Variants in USP4 observed in about 807,000 individuals in gnomAD.
USP4 encodes ubiquitin specific peptidase 4.
A neutral mutation model predicts 118.2 loss-of-function variants in USP4; 72 were observed. That is an observed-to-expected ratio of 0.61 (90% CI 0.50 to 0.74). The LOEUF (loss-of-function observed/expected upper bound fraction) is 0.74, where lower values mean the gene tolerates loss of function less well. Among genes scored for constraint, USP4 ranks in the 30% least tolerant of loss-of-function variants. The pLI is 0.00. For missense variants in USP4, 1,037 were observed against 1,185.7 expected, an observed-to-expected ratio of 0.87 and a Z score of 1.84; for synonymous variants, 415 against 440.4, an observed-to-expected ratio of 0.94 and a Z score of 0.72.
intron 8 of USP4, among the ~76,000 whole-genome samples, chr3:49,306,209 TG>T (rs1277921167): frequency 5.0e-4 from 74 of 149,194 alleles, no homozygotes; most frequent in African/African-American, 1.6e-3. Context: ...TGTTTTTTTT[TG>T]TTTTTTTTTT....
At chr3:49,327,515 G>A (rs745426261) in intron 3 of USP4, among the ~76,000 whole-genome samples, 171 bp downstream of exon 3, 13 of 151,908 alleles carry the variant, frequency 8.6e-5, no homozygotes, top group Non-Finnish European at 1.6e-4. Flanking sequence ...CAGCCTGGGC[G>A]ACAAGTGCAC....
At position 49,294,483 on chromosome 3, in the gene USP4, G is replaced by C; in HGVS notation, c.1807C>G (p.Gln603Glu). ...STSSASALYG[Q>E]PLLLSVPKHK... ...TTGGGGACAGAAAGCAATAGTGGCT[G>C]CCCATATAGCGCTGATGCGGAGGAA... Residue 603 changes from glutamine (Q) to glutamate (E), a missense_variant, in exon 14 of 22, where the codon CAG (glutamine) becomes GAG (glutamate). Physicochemically the swap from Gln to Glu is conservative, Grantham distance 29. Transcript: ENST00000265560. 1 of 1,614,210 alleles carries C rather than the reference G, an allele frequency of 6.2e-7. No homozygotes were observed. Among genetic ancestry groups the C allele is most frequent in the South Asian group, 1.1e-5 (1 of 91,076 alleles).
chr3:49,331,012 C>T (rs558081382), intron 2 of USP4, among the ~76,000 whole-genome samples: 8 of 136,904 alleles, frequency 5.8e-5, no homozygotes, highest in African/African-American at 1.4e-4. Flanking sequence ...AGCAAGACTC[C>T]GTCTCAAAAA....
intron 1 of USP4, among the ~76,000 whole-genome samples, chr3:49,338,804 C>A (rs1306240962): frequency 6.6e-6 from 1 of 152,078 alleles, no homozygotes; most frequent in Non-Finnish European, 1.5e-5. Context: ...TTTTTCTATT[C>A]TCCTGCTCAA....
intron 15 of USP4, among the ~76,000 whole-genome samples, chr3:49,286,774 CATCCATCCATCT>C (rs1471104333): frequency 6.6e-6 from 1 of 152,082 alleles, no homozygotes; most frequent in Non-Finnish European, 1.5e-5. Context: ...ATCCATCCAT[CATCCATCCATCT>C]ATCCATCCGA....
chr3:49,279,528 T>C (rs935595337), intron 20 of USP4, among the ~76,000 whole-genome samples: 3 of 152,172 alleles, frequency 2.0e-5, no homozygotes, highest in African/African-American at 7.2e-5. Flanking sequence ...GATTCAAGCA[T>C]TTCCCAGAGG....
chr3:49,327,624 A>T, intron 3 of USP4, 62 bp downstream of exon 3: 1 of 1,585,992 alleles, frequency 6.3e-7, no homozygotes, highest in Non-Finnish European at 8.6e-7. Context: ...AACACTAGTC[A>T]GTGTCCAACA....
chr3:49,308,203 T>C (rs768137709), intron 8 of USP4, among the ~76,000 whole-genome samples: 20 of 152,064 alleles, frequency 1.3e-4, no homozygotes, highest in Non-Finnish European at 2.8e-4. Flanking sequence ...CTGTACAGTC[T>C]AGTCCTAGGG....
At chr3:49,338,074 GTATCTC>G (rs1352227706) in intron 1 of USP4, among the ~76,000 whole-genome samples, 1 of 88,836 alleles carries the variant, frequency 1.1e-5, no homozygotes, top group Non-Finnish European at 2.2e-5. Flanking sequence ...AAAAAAAAAA[GTATCTC>G]TATGCTGTTT....
chr3:49,306,658 C>T (rs181584078), intron 8 of USP4, among the ~76,000 whole-genome samples: 58 of 152,132 alleles, frequency 3.8e-4, no homozygotes, highest in Non-Finnish European at 7.5e-4. Flanking sequence ...TCATTATCCT[C>T]GCTCAATAAT....
intron 8 of USP4, among the ~76,000 whole-genome samples, chr3:49,309,941 A>ATTTTTTTTT (rs2047365541): frequency 8.4e-4 from 13 of 15,386 alleles, no homozygotes; most frequent in South Asian, 2.6e-3. Context: ...CTTTTTTTTA[A>ATTTTTTTTT]TCTTTTTTTT....
At chr3:49,330,199 C>CAAAA (rs772896258) in intron 2 of USP4, among the ~76,000 whole-genome samples, 22 of 150,312 alleles carry the variant, frequency 1.5e-4, no homozygotes, top group South Asian at 2.1e-4. Flanking sequence ...AACAAACAAA[C>CAAAA]AAAAAAAGTT....
In USP4 at chr3:49,286,280, T is replaced by C; in HGVS notation, c.2018A>G (p.Gln673Arg). 6.2e-7 allele frequency: 1 copy of C among 1,614,170 alleles called. No individual in the cohort carries two copies. Among genetic ancestry groups the C allele is most frequent in the African/African-American group, 1.3e-5 (1 of 75,054 alleles). Residue 673 changes from glutamine (Q) to arginine (R), a missense_variant, in exon 16 of 22, where the codon CAG (glutamine) becomes CGG (arginine). This residue lies in a region of USP4 where 522 missense variants were observed against 592.6 expected (regional missense o/e 0.88). Transcript: ENST00000265560. ...EMEHQEEGKE[Q>R]LSETEGSGED... ...CCCACTGCCTTCTGTTTCTGAAAGCTGCTCTTTGCCTTCTTCCTGATGCTC... is the reference window on the plus strand; with the variant it reads ...CCCACTGCCTTCTGTTTCTGAAAGCCGCTCTTTGCCTTCTTCCTGATGCTC...
At chr3:49,297,750 T>C (rs2047224552) in intron 13 of USP4, 120 bp downstream of exon 13, 1 of 774,790 alleles carries the variant, frequency 1.3e-6, no homozygotes, top group Non-Finnish European at 2.2e-6. Context: ...CACCCAGGGG[T>C]CAGGGCCAAT....
intron 11 of USP4, among the ~76,000 whole-genome samples, chr3:49,299,629 T>A: frequency 6.6e-6 from 1 of 151,834 alleles, no homozygotes; most frequent in South Asian, 2.1e-4. Context: ...CCTGACCTCG[T>A]GATCTGCCCG....
chr3:49,310,793 A>C (rs765557953), intron 7 of USP4, 56 bp from the exon 8 acceptor site: 5 of 1,430,490 alleles, frequency 3.5e-6, no homozygotes, highest in Non-Finnish European at 4.9e-6. Context: ...CATGCCCTCA[A>C]GATGCTTTTT....
In USP4 at chr3:49,290,673, C is replaced by T. The variant is rs1336784975; in HGVS notation, c.1972+1837G>A. 2.6e-5 allele frequency among the ~76,000 whole-genome samples: 4 copies of T among 152,282 alleles called. No homozygotes were observed. In the East Asian group the frequency reaches 7.7e-4, roughly 29 times the overall value. On this transcript the variant is annotated intron_variant, in intron 15 of 21. Coordinates refer to ENST00000265560, the MANE Select transcript of USP4 (RefSeq NM_003363.4). ...GGGATTACAGGCACACACTGCCATG[C>T]CTGGCTAATTTTGTATTTTTTAGTA...
chr3:49,319,599 A>ATGTT (rs71077786), intron 6 of USP4, among the ~76,000 whole-genome samples: 142,114 of 148,952 alleles, frequency 0.95, 67,893 homozygotes, highest in Non-Finnish European at 0.98. Context: ...ATTACTAAAC[A>ATGTT]TGTTTGTTTG....
chr3:49,327,877 T>A, intron 2 of USP4, 61 bp from the exon 3 acceptor site: 2 of 1,496,552 alleles, frequency 1.3e-6, no homozygotes. Context: ...TGGTTTTACA[T>A]GATTTCCATG....
Sources: allele counts gnomAD v4.1 joint callset (sites outside exome capture counted in the v4.1 genomes callset), GRCh38; gene constraint gnomAD v4.1.1; regional missense constraint gnomAD v4.1.1; transcripts MANE v1.5; gene names NCBI Gene and HGNC (gene_info 2026-07-23, HGNC 2026-07-21).